Variants in NAALADL2 observed in about 807,000 individuals in gnomAD.
The protein encoded by NAALADL2 is N-acetylated alpha-linked acidic dipeptidase like 2, also known as inactive N-acetylated-alpha-linked acidic dipeptidase-like protein 2.
A neutral mutation model predicts 87.2 loss-of-function variants in NAALADL2; 76 were observed. The ratio of observed to expected loss-of-function variants is 0.87; its 90% confidence interval spans 0.72 to 1.05. The LOEUF (loss-of-function observed/expected upper bound fraction) is 1.05, where lower values mean the gene tolerates loss of function less well. Ranked by LOEUF, NAALADL2 falls within the 50% of genes least tolerant of loss-of-function variation. The pLI is 0.00. For missense variants in NAALADL2, 1,089 were observed against 945.8 expected, an observed-to-expected ratio of 1.15 and a Z score of -1.99; for synonymous variants, 354 against 331.0, an observed-to-expected ratio of 1.07 and a Z score of -0.75.
chr3:174,465,454 T>A (rs1027938614), intron 1 of NAALADL2, among the ~76,000 whole-genome samples: 2 of 152,210 alleles, frequency 1.3e-5, no homozygotes, highest in Admixed American at 6.5e-5. Context: ...TCTTATCTGT[T>A]ACTATTTAGT....
intron 11 of NAALADL2, among the ~76,000 whole-genome samples, chr3:175,683,866 A>G (rs1460670025): frequency 6.6e-6 from 1 of 152,100 alleles, no homozygotes; most frequent in Non-Finnish European, 1.5e-5. Context: ...AACGGAAATA[A>G]TGTAAAGTAT....
chr3:174,443,767 C>CCAGATGA (rs1553766991), intron 1 of NAALADL2, among the ~76,000 whole-genome samples: 3 of 145,222 alleles, frequency 2.1e-5, no homozygotes, highest in Non-Finnish European at 3.2e-5. Flanking sequence ...TGAAAAAGAG[C>CCAGATGA]TGCATTCCAT....
chr3:175,287,411 G>A (rs1755117170), intron 4 of NAALADL2, among the ~76,000 whole-genome samples: 2 of 152,098 alleles, frequency 1.3e-5, no homozygotes, highest in South Asian at 2.1e-4. Context: ...TTTTAAAAGT[G>A]CATACACCAT....
At chr3:174,611,964 T>G (rs1719942456) in intron 2 of NAALADL2, among the ~76,000 whole-genome samples, 1 of 152,138 alleles carries the variant, frequency 6.6e-6, no homozygotes, top group Non-Finnish European at 1.5e-5. Flanking sequence ...AGCATTTTTT[T>G]GTAGGACAGA....
chr3:174,762,104 A>G (rs1473460346), intron 3 of NAALADL2, among the ~76,000 whole-genome samples: 1 of 151,320 alleles, frequency 6.6e-6, no homozygotes, highest in African/African-American at 2.4e-5. Context: ...GATTTTTTCT[A>G]TTTTTTGATG....
At chr3:175,398,489 T>G (rs1770126396) in intron 5 of NAALADL2, among the ~76,000 whole-genome samples, 1 of 151,990 alleles carries the variant, frequency 6.6e-6, no homozygotes, top group African/African-American at 2.4e-5. Flanking sequence ...TCAAACTCTG[T>G]TATGTGCTTT....
intron 4 of NAALADL2, among the ~76,000 whole-genome samples, chr3:175,293,017 A>T (rs1755843591): frequency 7.2e-6 from 1 of 138,798 alleles, no homozygotes. Flanking sequence ...AGCCTGGGTG[A>T]CAGAGCGAGA....
At chr3:175,131,797 C>G (rs375698973) in intron 2 of NAALADL2, among the ~76,000 whole-genome samples, 4 of 132,402 alleles carry the variant, frequency 3.0e-5, no homozygotes, top group South Asian at 2.5e-4. Flanking sequence ...CCCTCCCGGA[C>G]GGGGGGCCTG....
chr3:175,428,824 C>T (rs1016978855), intron 5 of NAALADL2, among the ~76,000 whole-genome samples: 2 of 152,030 alleles, frequency 1.3e-5, no homozygotes, highest in South Asian at 2.1e-4. Context: ...ATCATGCCAT[C>T]TGTGTAAAAC....
rs1579147555 is a variant in NAALADL2 at position 174,839,120 on chromosome 3, A to T, written c.-9+101374A>T. Among the ~76,000 whole-genome samples the T allele has an allele frequency of 2.0e-5, 3 of 152,238 alleles. No homozygotes were observed. The South Asian group carries it at 6.2e-4, about 31-fold the overall frequency. The stretch of plus-strand genomic sequence containing the variant: ...ACTATAAGGCCATTGTCACCAAAAC[A>T]GAATGGTACTGTTATAAAAATAGGC... On this transcript the variant is annotated intron_variant, in intron 3 of 3. Transcript: ENST00000434257.
chr3:174,982,689 A>G (rs1745274077), intron 1 of NAALADL2, among the ~76,000 whole-genome samples: 1 of 152,232 alleles, frequency 6.6e-6, no homozygotes, highest in South Asian at 2.1e-4. Flanking sequence ...GCTAGATTTC[A>G]TGAATTTTAT....
chr3:174,935,166 CAA>C (rs5854603), intron 1 of NAALADL2, among the ~76,000 whole-genome samples: 17 of 147,306 alleles, frequency 1.2e-4, no homozygotes, highest in African/African-American at 3.5e-4. Context: ...AAATCAACTG[CAA>C]AAAAAAAAAT....
intron 2 of NAALADL2, among the ~76,000 whole-genome samples, chr3:174,694,256 A>G (rs1669721158): frequency 6.6e-6 from 1 of 152,114 alleles, no homozygotes; most frequent in African/African-American, 2.4e-5. Context: ...CTGAATTTGT[A>G]TAAGCTATCT....
At chr3:175,278,154 A>G (rs1188127417) in intron 4 of NAALADL2, among the ~76,000 whole-genome samples, 1 of 152,070 alleles carries the variant, frequency 6.6e-6, no homozygotes, top group Non-Finnish European at 1.5e-5. Flanking sequence ...AATTTAGTGC[A>G]TTTGTGTGAT....
chr3:175,352,848 G>T (rs1329331563), intron 5 of NAALADL2, among the ~76,000 whole-genome samples: 1 of 151,956 alleles, frequency 6.6e-6, no homozygotes, highest in African/African-American at 2.4e-5. Context: ...GTGGGTGGTA[G>T]AAAAGGAAAA....
At chr3:174,537,556 G>T (rs958975307) in intron 1 of NAALADL2, among the ~76,000 whole-genome samples, 18 of 152,158 alleles carry the variant, frequency 1.2e-4, no homozygotes. Flanking sequence ...GGAGTTTAAA[G>T]TCTAGTGAGA....
At chr3:175,455,960 G>A (rs888193854) in intron 6 of NAALADL2, among the ~76,000 whole-genome samples, 1 of 151,984 alleles carries the variant, frequency 6.6e-6, no homozygotes. Flanking sequence ...TAAACTTAGA[G>A]ACTCTAGAAG....
At chr3:175,077,334 G>T (rs912969668) in intron 1 of NAALADL2, among the ~76,000 whole-genome samples, 28 of 152,270 alleles carry the variant, frequency 1.8e-4, no homozygotes, top group Non-Finnish European at 3.1e-4. Flanking sequence ...TGACGTTCTA[G>T]TCTGTGAAAG....
intron 6 of NAALADL2, among the ~76,000 whole-genome samples, chr3:175,454,861 T>C (rs1351829717): frequency 6.6e-6 from 1 of 151,014 alleles, no homozygotes; most frequent in Non-Finnish European, 1.5e-5. Flanking sequence ...TTGTGTAGAT[T>C]GATTGGCATA....
Sources: gnomAD v4.1 joint callset for allele counts (sites outside exome capture counted in the v4.1 genomes callset) on GRCh38, gnomAD v4.1.1 for gene constraint, MANE v1.5 for transcripts, NCBI Gene and HGNC (gene_info 2026-07-23, HGNC 2026-07-21) for gene names.